ZRSR2: variants seen among roughly 807,000 people sequenced by gnomAD.
ZRSR2 encodes the protein zinc finger CCCH-type, RNA binding motif and serine/arginine rich 2, also known as U2 small nuclear ribonucleoprotein auxiliary factor 35 kDa subunit-related protein 2.
ZRSR2 carries 3 observed loss-of-function variants against 39.4 expected under a neutral mutation model. The ratio of observed to expected loss-of-function variants is 0.08; its 90% confidence interval spans 0.03 to 0.20. The LOEUF (loss-of-function observed/expected upper bound fraction) is 0.20. ZRSR2 is among the 10% of genes least tolerant of loss of function. ZRSR2 has a pLI of 1.00. For missense variants in ZRSR2, 256 were observed against 391.5 expected (o/e 0.65, Z 2.92); for synonymous variants, 137 against 136.0 (o/e 1.01, Z -0.05).
intron 7 of ZRSR2, among the ~76,000 whole-genome samples, chrX:15,811,098 A>G (rs1295314285): frequency 9.1e-6 from 1 of 109,721 alleles, no homozygotes; most frequent in Non-Finnish European, 1.9e-5. Flanking sequence ...TCTGCTAACT[A>G]GTAGAAAGCC....
chrX:15,809,362 A>T (rs1264334290), intron 7 of ZRSR2, 44 bp downstream of exon 7: 2 of 986,481 alleles, frequency 2.0e-6, no homozygotes, highest in Non-Finnish European at 2.9e-6. Context: ...GTGATTCAAA[A>T]TGCTGACGTT....
intron 2 of ZRSR2, among the ~76,000 whole-genome samples, chrX:15,792,527 T>A (rs1361326511): frequency 8.9e-6 from 1 of 112,595 alleles, no homozygotes; most frequent in East Asian, 2.8e-4. Flanking sequence ...AGGGATGATG[T>A]GAAACTAATG....
intron 2 of ZRSR2, 31 bp downstream of exon 2, chrX:15,791,044 T>G (rs1401080589): frequency 2.6e-6 from 3 of 1,160,016 alleles, no homozygotes; most frequent in Non-Finnish European, 2.4e-6. Flanking sequence ...TTTTCTGTGT[T>G]GTGAAATTGC....
chrX:15,822,274 G>GCCA (rs778805257), intron 10 of ZRSR2, among the ~76,000 whole-genome samples: 4 of 112,101 alleles, frequency 3.6e-5, no homozygotes, highest in African/African-American at 1.3e-4. Context: ...ACAGGTGTGA[G>GCCA]CCACCGCACC....
intron 3 of ZRSR2, 23 bp from the exon 4 acceptor site, chrX:15,803,665 T>C: frequency 8.5e-7 from 1 of 1,182,967 alleles, no homozygotes; most frequent in East Asian, 3.0e-5. Flanking sequence ...TTCTTTTATC[T>C]GATTACATCA....
chrX:15,817,351 T>C (rs1429275788), intron 8 of ZRSR2, among the ~76,000 whole-genome samples: 1 of 111,833 alleles, frequency 8.9e-6, no homozygotes, highest in African/African-American at 3.2e-5. Flanking sequence ...GTATGGATCC[T>C]GCTCGTTTTG....
chrX:15,819,790 G>C lies in ZRSR2; in HGVS notation c.828-417G>C, dbSNP rs188416208. Among the ~76,000 whole-genome samples the C allele has an allele frequency of 6.5e-4, 72 of 111,440 alleles. 1 individual carries two copies. Among genetic ancestry groups the C allele is most frequent in the Middle Eastern group, 4.6e-3 (1 of 217 alleles). ...AATCATCTTAGTGTGCATTTGACCAGCTAAGAGAGCAATTAATGTATCATT... is the reference window on the plus strand; with the variant it reads ...AATCATCTTAGTGTGCATTTGACCACCTAAGAGAGCAATTAATGTATCATT... On this transcript the variant is annotated intron_variant, in intron 9 of 10. Transcript: ENST00000307771.
chrX:15,791,653 C>CTTTTTTTTT (rs144343422), intron 2 of ZRSR2, among the ~76,000 whole-genome samples: 4 of 60,870 alleles, frequency 6.6e-5, no homozygotes, highest in Non-Finnish European at 8.5e-5. Context: ...CTTTTCTTTT[C>CTTTTTTTTT]TTTTTTTTTT....
intron 7 of ZRSR2, among the ~76,000 whole-genome samples, 183 bp downstream of exon 7, chrX:15,809,501 C>T (rs1932848436): frequency 8.9e-6 from 1 of 112,557 alleles, no homozygotes; most frequent in South Asian, 3.6e-4. Flanking sequence ...TCCCTGTTCC[C>T]TCTATCCTTG....
At chrX:15,797,495 C>T (rs1461576279) in intron 2 of ZRSR2, among the ~76,000 whole-genome samples, 1 of 112,322 alleles carries the variant, frequency 8.9e-6, no homozygotes, top group Non-Finnish European at 1.9e-5. Context: ...CAGGCATGAG[C>T]CACCACGCCC....
intron 7 of ZRSR2, among the ~76,000 whole-genome samples, chrX:15,811,311 ACTT>A (rs1932876968): frequency 8.9e-6 from 1 of 112,133 alleles, no homozygotes; most frequent in South Asian, 3.7e-4. Flanking sequence ...TTGCATGGGT[ACTT>A]GAACCAAATT....
intron 3 of ZRSR2, among the ~76,000 whole-genome samples, chrX:15,800,206 T>C (rs1335866074): frequency 1.1e-5 from 1 of 94,796 alleles, no homozygotes; most frequent in Non-Finnish European, 2.1e-5. Flanking sequence ...TTTTTTTTTT[T>C]AGACGGAGTC....
At chrX:15,803,175 A>G (rs757769037) in intron 3 of ZRSR2, among the ~76,000 whole-genome samples, 113 of 110,632 alleles carry the variant, frequency 1.0e-3, no homozygotes, top group African/African-American at 3.6e-3. Context: ...AGGCAGGAGA[A>G]TCACTTGAAC....
chrX:15,803,575 A>C, intron 3 of ZRSR2, 113 bp from the exon 4 acceptor site: 1 of 976,290 alleles, frequency 1.0e-6, no homozygotes, highest in Non-Finnish European at 1.4e-6. Context: ...AATAGAAAAT[A>C]GCTTTCGTGA....
intron 7 of ZRSR2, among the ~76,000 whole-genome samples, chrX:15,810,680 T>C (rs1357264984): frequency 9.2e-6 from 1 of 108,775 alleles, no homozygotes; most frequent in Non-Finnish European, 1.9e-5. Context: ...TAGAGTCATC[T>C]AGAAAGCTTT....
intron 7 of ZRSR2, among the ~76,000 whole-genome samples, chrX:15,810,302 T>C (rs774637406): frequency 8.9e-6 from 1 of 112,137 alleles, no homozygotes; most frequent in Non-Finnish European, 1.9e-5. Context: ...TAATTTGGCC[T>C]GTTTATTAAT....
intron 5 of ZRSR2, among the ~76,000 whole-genome samples, chrX:15,804,776 T>C (rs942769563): frequency 2.7e-5 from 3 of 111,737 alleles, no homozygotes; most frequent in Non-Finnish European, 5.6e-5. Context: ...AACTCAAATA[T>C]TGAGGAACTA....
At chrX:15,817,312 C>A (rs753685958) in intron 8 of ZRSR2, among the ~76,000 whole-genome samples, 1 of 111,679 alleles carries the variant, frequency 9.0e-6, no homozygotes, top group Non-Finnish European at 1.9e-5. Flanking sequence ...ATTCTTCCTT[C>A]TAAGGGTGGT....
chrX:15,791,687 C>T (rs1164201695), intron 2 of ZRSR2, among the ~76,000 whole-genome samples: 9 of 96,537 alleles, frequency 9.3e-5, no homozygotes, highest in African/African-American at 3.1e-4. Flanking sequence ...GACGGAGTCT[C>T]GCTCTGTTGC....
Sources: allele counts gnomAD v4.1 joint callset (sites outside exome capture counted in the v4.1 genomes callset), GRCh38; gene constraint gnomAD v4.1.1; transcripts MANE v1.5; gene names NCBI Gene and HGNC (gene_info 2026-07-23, HGNC 2026-07-21).